Variants in PPARA observed in about 807,000 individuals in gnomAD.
PPARA encodes peroxisome proliferator-activated receptor alpha.
PPARA carries 22 observed loss-of-function variants against 42.2 expected under a neutral mutation model. That is an observed-to-expected ratio of 0.52 (90% CI 0.37 to 0.74). The LOEUF (loss-of-function observed/expected upper bound fraction) is 0.74, where lower values mean the gene tolerates loss of function less well. Ranked by LOEUF, PPARA falls within the 30% of genes least tolerant of loss-of-function variation. PPARA has a pLI of 0.00. For synonymous variants in PPARA, 242 were observed against 239.3 expected, an observed-to-expected ratio of 1.01 and a Z score of -0.10; for missense variants, 465 against 608.2, an observed-to-expected ratio of 0.76 and a Z score of 2.48.
chr22:46,199,271 A>G (rs1932736821), intron 4 of PPARA, among the ~76,000 whole-genome samples: 1 of 152,198 alleles, frequency 6.6e-6, no homozygotes, highest in Non-Finnish European at 1.5e-5. Context: ...CAAGCTGTAC[A>G]TGCGTCAAAG....
chr22:46,206,765 A>C (rs780179076), intron 4 of PPARA, among the ~76,000 whole-genome samples: 68 of 152,286 alleles, frequency 4.5e-4, no homozygotes, highest in Non-Finnish European at 7.2e-4. Flanking sequence ...TACCTTTTCT[A>C]GTGCTATATA....
chr22:46,242,286 A>T lies in PPARA; in HGVS notation c.*6906A>T, dbSNP rs557683557. On this transcript the variant is annotated 3_prime_UTR_variant, in exon 9 of 9. Coordinates refer to ENST00000407236, the MANE Select transcript of PPARA (RefSeq NM_005036.6). The surrounding 1 kb of genome is among the most constrained non-coding windows in gnomAD (Gnocchi z 6.1). ...ACCCCCAGGCCTTGGCTGTGCCTCAAGTCAGAGAGGGTCAGCCTTCAGGCC... is the reference window on the plus strand; with the variant it reads ...ACCCCCAGGCCTTGGCTGTGCCTCATGTCAGAGAGGGTCAGCCTTCAGGCC... 6.5e-6 allele frequency: 1 copy of T among 152,756 alleles called. No homozygotes were observed. Among genetic ancestry groups the T allele is most frequent in the South Asian group, 2.1e-4 (1 of 4,824 alleles). 9.5% of individuals were successfully genotyped at this position (152,756 alleles called of 1,614,324 possible).
intron 4 of PPARA, among the ~76,000 whole-genome samples, chr22:46,214,511 C>A (rs1320309000): frequency 5.4e-5 from 6 of 110,308 alleles, no homozygotes; most frequent in African/African-American, 2.2e-4. Context: ...CGGAAATGTG[C>A]AGAGCGGAGA....
intron 3 of PPARA, among the ~76,000 whole-genome samples, chr22:46,197,077 T>C (rs1932337451): frequency 2.0e-5 from 3 of 151,402 alleles, no homozygotes; most frequent in African/African-American, 4.9e-5. Context: ...TGAGACACGG[T>C]CTCACTCTGT....
Position 46,163,161 on chromosome 22 carries a change from G to A in PPARA, c.-127+11191G>A, listed in dbSNP as rs574127924. On this transcript the variant is annotated intron_variant, in intron 2 of 8. Coordinates refer to ENST00000407236, the MANE Select transcript of PPARA (RefSeq NM_005036.6). The surrounding 1 kb of genome is among the most constrained non-coding windows in gnomAD (Gnocchi z 4.9). ...CAGCACCTGCCAGTGAACGGAATGT[G>A]CGGCTCCAGATGTCGTTGTCTTTAA... is the stretch of plus-strand genomic sequence containing the variant. 1.3e-5 allele frequency: 2 copies of A among 152,386 alleles called. No individual in the cohort carries two copies. The highest frequency in any genetic ancestry group is 3.9e-4 in the East Asian group (2 of 5,186). 9.4% of individuals were successfully genotyped at this position (152,386 alleles called of 1,614,324 possible).
At position 46,161,533 on chromosome 22, in the gene PPARA, C is replaced by T. The variant is rs1926172515; in HGVS notation, c.-127+9563C>T. Among the ~76,000 whole-genome samples the T allele has an allele frequency of 6.6e-6, 1 of 152,100 alleles. No homozygotes were observed. Among genetic ancestry groups the T allele is most frequent in the Non-Finnish European group, 1.5e-5 (1 of 68,034 alleles). On this transcript the variant is annotated intron_variant, in intron 2 of 8. Coordinates refer to ENST00000407236, the MANE Select transcript of PPARA (RefSeq NM_005036.6). The surrounding 1 kb of genome is among the most constrained non-coding windows in gnomAD (Gnocchi z 4.8). ...CCCGGGAGGCGGAGGCTGCAGTGAA[C>T]CAAGATTGTGCCACTGCACTCCAGC...
In PPARA at chr22:46,188,402, C is replaced by A. The variant is rs62225956; in HGVS notation, c.-42-9940C>A. 0.078 allele frequency among the ~76,000 whole-genome samples: 11,830 copies of A among 152,200 alleles called. 486 individuals carry two copies. Among genetic ancestry groups the A allele is most frequent in the Middle Eastern group, 0.12 (34 of 294 alleles). On this transcript the variant is annotated intron_variant, in intron 3 of 8. Coordinates refer to ENST00000407236, the MANE Select transcript of PPARA (RefSeq NM_005036.6). The surrounding 1 kb of genome is among the most constrained non-coding windows in gnomAD (Gnocchi z 5.0). ...TCTGTTGGGTTTTCCTATGGAATATCCAGTCAGCCTTTAGGATTCATCTTG... is the reference window on the plus strand; with the variant it reads ...TCTGTTGGGTTTTCCTATGGAATATACAGTCAGCCTTTAGGATTCATCTTG...
chr22:46,186,379 A>G (rs1930804400), intron 3 of PPARA, among the ~76,000 whole-genome samples: 1 of 152,144 alleles, frequency 6.6e-6, no homozygotes, highest in Non-Finnish European at 1.5e-5. Flanking sequence ...ACACTTGAAT[A>G]AGGTGTGGTC....
At chr22:46,215,376 A>G (rs371191915) in intron 5 of PPARA, 43 bp downstream of exon 5, 7 of 1,611,336 alleles carry the variant, frequency 4.3e-6, no homozygotes, top group South Asian at 2.2e-5. Flanking sequence ...GCCACCATCA[A>G]CTACTTATGG....
chr22:46,198,321 A>C, intron 3 of PPARA, 21 bp from the exon 4 acceptor site: 4 of 1,389,842 alleles, frequency 2.9e-6, no homozygotes, highest in South Asian at 2.3e-5. Flanking sequence ...AGTCTTACCA[A>C]TTGTTCCTCT....
At position 46,195,064 on chromosome 22, in the gene PPARA, G is replaced by A. The variant is rs555655984; in HGVS notation, c.-42-3278G>A. On this transcript the variant is annotated intron_variant, in intron 3 of 8. Coordinates refer to ENST00000407236, the MANE Select transcript of PPARA (RefSeq NM_005036.6). This position sits in a 1 kb window ranked among gnomAD's most constrained non-coding sequence, Gnocchi z 4.6. Reference sequence around the variant, plus strand: ...ATTACAGGCGCCTACCACCACGCCCGGCTAATTTTTGTATTTTTAGTAGAG... The same window carrying A: ...ATTACAGGCGCCTACCACCACGCCCAGCTAATTTTTGTATTTTTAGTAGAG... 7.5e-5 allele frequency among the ~76,000 whole-genome samples: 11 copies of A among 146,262 alleles called. No individual in the cohort carries two copies. The South Asian group carries it at 8.7e-4, about 12-fold the overall frequency.
chr22:46,235,582 G>A lies in PPARA; in HGVS notation c.*202G>A, dbSNP rs1936163736. The A allele has an allele frequency of 1.5e-6, 1 of 669,192 alleles. No homozygotes were observed. Among genetic ancestry groups the A allele is most frequent in the Non-Finnish European group, 2.5e-6 (1 of 400,872 alleles). The allele number at this position is 669,192 out of a possible 1,614,324, so 41.5% of individuals were successfully genotyped here. ...CTAAGAGCATAGAACTCAAATGCTG[G>A]GGGTAGGTGGCTAATCTCAGGACTG... is the stretch of plus-strand genomic sequence containing the variant. On this transcript the variant is annotated 3_prime_UTR_variant, in exon 9 of 9. Transcript: ENST00000407236. This position sits in a 1 kb window ranked among gnomAD's most constrained non-coding sequence, Gnocchi z 7.0.
intron 2 of PPARA, among the ~76,000 whole-genome samples, chr22:46,152,978 C>T (rs1924676107): frequency 6.6e-6 from 1 of 152,150 alleles, no homozygotes; most frequent in Non-Finnish European, 1.5e-5. Context: ...CCCAGCTACT[C>T]AAGAAACTGA....
rs1324089338 is a variant in PPARA, at chr22:46,180,765, A to T, written c.-43+3929A>T. On this transcript the variant is annotated intron_variant, in intron 3 of 8. Transcript: ENST00000407236. This position sits in a 1 kb window ranked among gnomAD's most constrained non-coding sequence, Gnocchi z 4.2. ...AAATAAATCCTCCTGAACCCCATCA[A>T]TCGCTCCAGTTCTCTGATTTCCCAC... Among the ~76,000 whole-genome samples, 1 of 152,158 alleles carries T rather than the reference A, an allele frequency of 6.6e-6. No individual in the cohort carries two copies. Among genetic ancestry groups the T allele is most frequent in the African/African-American group, 2.4e-5 (1 of 41,432 alleles).
chr22:46,223,704 C>T (rs976625235), intron 7 of PPARA, among the ~76,000 whole-genome samples: 13 of 147,648 alleles, frequency 8.8e-5, no homozygotes, highest in African/African-American at 3.0e-4. Context: ...AATCCCAGCA[C>T]TGTGGGAGGC....
chr22:46,206,055 T>C (rs1043924316), intron 4 of PPARA, among the ~76,000 whole-genome samples: 5 of 152,162 alleles, frequency 3.3e-5, no homozygotes, highest in Admixed American at 1.3e-4. Context: ...TCCCTTTTCC[T>C]CTTTTTATGC....
intron 5 of PPARA, 171 bp downstream of exon 5, chr22:46,215,504 G>A (rs62226962): frequency 3.8e-6 from 3 of 785,982 alleles, no homozygotes; most frequent in Non-Finnish European, 6.3e-6. Flanking sequence ...TTGGGAGACC[G>A]AGATGGGTGG....
rs913698606 is a variant in PPARA at position 46,219,331 on chromosome 22, T to C, written c.509-481T>C. Among the ~76,000 whole-genome samples the C allele has an allele frequency of 6.6e-6, 1 of 152,198 alleles. No homozygotes were observed. The highest frequency in any genetic ancestry group is 2.4e-5 in the African/African-American group (1 of 41,442). On this transcript the variant is annotated intron_variant, in intron 6 of 8. Transcript: ENST00000407236. The surrounding 1 kb of genome is among the most constrained non-coding windows in gnomAD (Gnocchi z 4.8). ...TCGTCCATAGGAAGGGTGTACCACC[T>C]CAAACATCTCACCACGTTATGAATT...
Position 46,235,505 on chromosome 22 carries a change from G to GTCCA in PPARA, c.*125_*126insTCCA. On this transcript the variant is annotated 3_prime_UTR_variant, in exon 9 of 9. Coordinates refer to ENST00000407236, the MANE Select transcript of PPARA (RefSeq NM_005036.6). This position sits in a 1 kb window ranked among gnomAD's most constrained non-coding sequence, Gnocchi z 7.0. The stretch of plus-strand genomic sequence containing the variant: ...TTTAACCTTAGAGCTTGGACAGTCT[G>GTCCA]AGCTGTAGGTAACCGGCATATTATT... 7.9e-7 allele frequency: 1 copy of GTCCA among 1,258,186 alleles called. No individual in the cohort carries two copies. The highest frequency in any genetic ancestry group is 1.1e-6 in the Non-Finnish European group (1 of 891,654). 77.9% of individuals were successfully genotyped at this position (1,258,186 alleles called of 1,614,324 possible).
Sources: gnomAD v4.1 joint callset for allele counts (sites outside exome capture counted in the v4.1 genomes callset) on GRCh38, gnomAD v4.1.1 for gene constraint, Gnocchi (gnomAD v3.1) non-coding constraint, MANE v1.5 for transcripts, NCBI Gene and HGNC (gene_info 2026-07-23, HGNC 2026-07-21) for gene names.